The following NOC2L variants were observed in gnomAD, a reference collection of about 807,000 sequenced individuals.
NOC2L encodes the protein NOC2 like nucleolar associated transcriptional repressor.
A neutral mutation model predicts 94.2 loss-of-function variants in NOC2L; 101 were observed. The ratio of observed to expected loss-of-function variants is 1.07; its 90% CI spans 0.91 to 1.26. The LOEUF (loss-of-function observed/expected upper bound fraction) is 1.26, where lower values mean the gene tolerates loss of function less well. Ranked by LOEUF, NOC2L falls within the 50% of genes most tolerant of loss-of-function variation. NOC2L has a pLI of 0.00. For missense variants in NOC2L, 1,076 were observed against 980.1 expected (o/e 1.10, Z -1.31); for synonymous variants, 531 against 413.4 (o/e 1.28, Z -3.45).
Position 958,620 on chromosome 1 carries a change from C to G in NOC2L, c.179+309G>C, listed in dbSNP as rs113807053. ...TTCAGCCCCTCTGTCCTTCCTTTCC[C>G]TCCCCAGCACTTATCTCTCTTCTAC... On this transcript the variant is annotated intron_variant, in intron 2 of 18. Transcript: ENST00000327044. The G allele has an allele frequency of 4.0e-4, 230 of 581,452 alleles. 1 individual carries two copies. Among genetic ancestry groups the G allele is most frequent in the African/African-American group, 3.8e-3 (205 of 54,562 alleles). The allele number at this position is 581,452 out of a possible 1,614,324, so 36.0% of individuals were successfully genotyped here.
chr1:958,835 A>G (rs768757021), intron 2 of NOC2L, 94 bp downstream of exon 2: 1 of 1,306,164 alleles, frequency 7.7e-7, no homozygotes, highest in South Asian at 1.2e-5. Flanking sequence ...GGCGATCCTT[A>G]GGCCTTGGCC....
At position 944,688 on chromosome 1, in the gene NOC2L, G is replaced by C; in HGVS notation, c.*6C>G. 1.9e-6 allele frequency: 3 copies of C among 1,581,660 alleles called. No individual in the cohort carries two copies. The highest frequency in any genetic ancestry group is 2.6e-6 in the Non-Finnish European group (3 of 1,165,398). The stretch of plus-strand genomic sequence containing the variant: ...CAGCCCCTACAGGCCCCCCAGATGG[G>C]CTGCCTCAGTCGTCCTCTGAGAGCT... On this transcript the variant is annotated 3_prime_UTR_variant, in exon 19 of 19. Transcript: ENST00000327044.
intron 18 of NOC2L, 64 bp downstream of exon 18, chr1:944,993 G>C: frequency 6.2e-7 from 1 of 1,607,788 alleles, no homozygotes; most frequent in African/African-American, 1.3e-5. Context: ...CCCCGCCCAC[G>C]TGGCTCTGCC....
intron 12 of NOC2L, among the ~76,000 whole-genome samples, chr1:949,764 A>C (rs915933701): frequency 2.6e-5 from 4 of 152,190 alleles, no homozygotes; most frequent in Non-Finnish European, 4.4e-5. Flanking sequence ...ATCAGAGACC[A>C]CTGCTGGCTG....
In NOC2L at chr1:956,957, C is replaced by T. The variant is rs1569955526; in HGVS notation, c.423G>A (p.Lys141=). The T allele has an allele frequency of 6.2e-7, 1 of 1,614,122 alleles. No individual in the cohort carries two copies. The highest frequency in any genetic ancestry group is 1.1e-5 in the South Asian group (1 of 91,086). Residue 141 remains lysine, a synonymous_variant, in exon 4 of 19, where the codon AAG becomes AAA. Coordinates refer to ENST00000327044, the MANE Select transcript of NOC2L (RefSeq NM_015658.4). ...TCACAGGAACAGAATTCTTCTTCCCCTTCAGCCCTCTGGGGACTCTGTCCC... is the reference window on the plus strand; with the variant it reads ...TCACAGGAACAGAATTCTTCTTCCCTTTCAGCCCTCTGGGGACTCTGTCCC... ...EDGDRVPRGL[K]GKKNSVPVTV... is the part of the protein sequence containing the mutation.
In NOC2L at chr1:944,466, TGACTTCAGCAGCCCACAGCTGTGG is replaced by T. The variant is rs1221196749; in HGVS notation, c.*204_*227del. The T allele has an allele frequency of 6.6e-5, 50 of 763,012 alleles. No individual in the cohort carries two copies. The East Asian group carries it at 1.4e-3, about 22-fold the overall frequency. 47.3% of individuals were successfully genotyped at this position (763,012 alleles called of 1,614,324 possible). On this transcript the variant is annotated 3_prime_UTR_variant, in exon 19 of 19. Transcript: ENST00000327044. ...GTCAGGGTCAGCTCCCCCGCGGAGC[TGACTTCAGCAGCCCACAGCTGTGG>T]GGCTTCAGCAGCCACACCAGCCCAG... is the stretch of plus-strand genomic sequence containing the variant.
At chr1:945,846 T>C (rs1182884132) in intron 16 of NOC2L, among the ~76,000 whole-genome samples, 193 bp from the exon 17 acceptor site, 3 of 152,210 alleles carry the variant, frequency 2.0e-5, no homozygotes, top group Non-Finnish European at 4.4e-5. Flanking sequence ...CCCTTCCTGC[T>C]TCTCCTCACG....
At position 957,011 on chromosome 1, in the gene NOC2L, C is replaced by G. The variant is rs369515916; in HGVS notation, c.369G>C (p.Glu123Asp). ...LPDVLEEASEEEDGAEEGEDG... is the reference protein window; with the variant it reads ...LPDVLEEASEDEDGAEEGEDG... Reference sequence around the variant, plus strand: ...CTTCTCCTTCCTCCGCTCCATCCTCCTCCTCACTGGCTTCCTGCACAGAAA... The same window carrying G: ...CTTCTCCTTCCTCCGCTCCATCCTCGTCCTCACTGGCTTCCTGCACAGAAA... Residue 123 changes from glutamate (E) to aspartate (D), a missense_variant, in exon 4 of 19, where the codon GAG (glutamate) becomes GAC (aspartate). Physicochemically the swap from Glu to Asp is conservative, Grantham distance 45. Coordinates refer to ENST00000327044, the MANE Select transcript of NOC2L (RefSeq NM_015658.4). 3 of 1,614,106 alleles carry G rather than the reference C, an allele frequency of 1.9e-6. No individual in the cohort carries two copies. The highest frequency in any genetic ancestry group is 1.7e-5 in the Admixed American group (1 of 60,032).
At position 945,088 on chromosome 1, in the gene NOC2L, CTCCTCG is replaced by C. The variant is rs753771038; in HGVS notation, c.2106_2111del (p.Asp702_Glu703del). ...AGTTGCTGCTGTCCTCCTCGCCCTC[CTCCTCG>C]TCCTCTTCATCGTCTTCCACCCCAT... On this transcript the variant is annotated inframe_deletion, in exon 18 of 19. Transcript: ENST00000327044. 1.1e-5 allele frequency: 18 copies of C among 1,611,996 alleles called. No individual in the cohort carries two copies. The highest frequency in any genetic ancestry group is 4.5e-5 in the East Asian group (2 of 44,890).
At position 958,976 on chromosome 1, in the gene NOC2L, G is replaced by A. The variant is rs201078404; in HGVS notation, c.132C>T (p.Arg44=). The stretch of plus-strand genomic sequence containing the variant: ...GCTTATCCGGACTCCGGGCAGCCTC[G>A]CGTGCTTCCCGTGTCTCCGCTTGTG... ...NSPQAETREA[R]EAARSPDKPG... Residue 44 remains arginine (R), a synonymous_variant, in exon 2 of 19, where the codon CGC becomes CGT. Transcript: ENST00000327044. 5.6e-6 allele frequency: 9 copies of A among 1,612,744 alleles called. No individual in the cohort carries two copies. The highest frequency in any genetic ancestry group is 4.5e-5 in the East Asian group (2 of 44,868).
intron 13 of NOC2L, 99 bp downstream of exon 13, chr1:948,391 G>C (rs904080972): frequency 2.8e-6 from 3 of 1,077,948 alleles, no homozygotes; most frequent in Non-Finnish European, 4.2e-6. Flanking sequence ...GAAGGTCCAT[G>C]CTTGAACTTG....
At chr1:957,426 C>T (rs1642441719) in intron 2 of NOC2L, 153 bp from the exon 3 acceptor site, 3 of 675,788 alleles carry the variant, frequency 4.4e-6, no homozygotes, top group Admixed American at 2.7e-5. Context: ...ACGTCTCCTA[C>T]CCAACAACCT....
chr1:952,332 C>A lies in NOC2L; in HGVS notation c.1191+80G>T, dbSNP rs114791431. 5.3e-4 allele frequency: 819 copies of A among 1,548,114 alleles called. 5 individuals are homozygous for A. The African/African-American group carries it at 9.3e-3, about 18-fold the overall frequency. ...CTCCAGACAGGGGCTTCGGGGAGGC[C>A]CCAGGCCCTGCCTTGGGTCGGGCAC... On this transcript the variant is annotated intron_variant, in intron 10 of 18. Coordinates refer to ENST00000327044, the MANE Select transcript of NOC2L (RefSeq NM_015658.4).
chr1:946,093 C>T, intron 16 of NOC2L, 80 bp downstream of exon 16: 1 of 1,086,550 alleles, frequency 9.2e-7, no homozygotes, highest in Non-Finnish European at 1.4e-6. Flanking sequence ...AAACCCTCGC[C>T]CTGGTCTCAA....
Position 944,719 on chromosome 1 carries a change from TC to T in NOC2L, c.2224del (p.Asp742IlefsTer17). The T allele has an allele frequency of 1.3e-6, 2 of 1,598,890 alleles. No individual in the cohort carries two copies. The highest frequency in any genetic ancestry group is 8.5e-7 in the Non-Finnish European group (1 of 1,177,690). On this transcript the variant is annotated frameshift_variant, in exon 19 of 19. Coordinates refer to ENST00000327044, the MANE Select transcript of NOC2L (RefSeq NM_015658.4). LOFTEE classifies it high-confidence loss of function. Reference protein sequence around the residue: ...LAQGPEDELEDLQLSEDD With the variant: ...LAQGPEDELEXLQLSEDD ...TCAGTCGTCCTCTGAGAGCTGCAGA[TC>T]CTCCAGCTCGTCCTCCGGCCCCTGG...
At chr1:949,691 G>A (rs1333810162) in intron 12 of NOC2L, among the ~76,000 whole-genome samples, 1 of 152,206 alleles carries the variant, frequency 6.6e-6, no homozygotes, top group African/African-American at 2.4e-5. Context: ...CACAAAGCAT[G>A]CCTGGAGCTG....
intron 14 of NOC2L, chr1:947,006 G>A (rs759902122): frequency 5.3e-5 from 9 of 169,900 alleles, no homozygotes; most frequent in East Asian, 5.2e-4. Flanking sequence ...GCAGTGAGCC[G>A]AGATCGCACC....
intron 12 of NOC2L, among the ~76,000 whole-genome samples, chr1:949,006 A>G (rs1340352337): frequency 6.6e-6 from 1 of 150,542 alleles, no homozygotes; most frequent in Non-Finnish European, 1.5e-5. Flanking sequence ...CAGCAATGCC[A>G]CATGGGGCTC....
chr1:952,807 G>GCC (rs1642295851), intron 9 of NOC2L, among the ~76,000 whole-genome samples: 1 of 152,204 alleles, frequency 6.6e-6, no homozygotes. Context: ...TGCACACTGG[G>GCC]CCCCTCTGGG....
Sources: gnomAD v4.1 joint callset for allele counts (sites outside exome capture counted in the v4.1 genomes callset) on GRCh38, gnomAD v4.1.1 for gene constraint, MANE v1.5 for transcripts, NCBI Gene and HGNC (gene_info 2026-07-23, HGNC 2026-07-21) for gene names.